The following STRBP variants were observed in gnomAD, a reference collection of about 807,000 sequenced individuals.
STRBP encodes spermatid perinuclear RNA binding protein, also known as spermatid perinuclear RNA-binding protein.
In STRBP, 13 loss-of-function variants were observed where a neutral mutation model predicts 80.1. That is an observed-to-expected ratio of 0.16 (90% CI 0.11 to 0.26). STRBP has a LOEUF of 0.26. Ranked by LOEUF, STRBP falls within the 10% of genes least tolerant of loss-of-function variation. The pLI, the probability that STRBP is intolerant of heterozygous loss-of-function variation, is 1.00. For synonymous variants in STRBP, 284 were observed against 291.2 expected, an observed-to-expected ratio of 0.98 and a Z score of 0.25; for missense variants, 485 against 815.2, an observed-to-expected ratio of 0.59 and a Z score of 4.93.
intron 14 of STRBP, 67 bp downstream of exon 14, chr9:123,139,462 C>T: frequency 7.9e-7 from 1 of 1,267,154 alleles, no homozygotes. Flanking sequence ...TATACTTTTC[C>T]ACATCTCTCA....
intron 1 of STRBP, among the ~76,000 whole-genome samples, chr9:123,261,127 G>A (rs1382994127): frequency 6.6e-6 from 1 of 152,100 alleles, no homozygotes; most frequent in African/African-American, 2.4e-5. Flanking sequence ...CAGCAATTAA[G>A]GTTGCACACC....
At chr9:123,251,232 AAAG>A (rs572479962) in intron 1 of STRBP, among the ~76,000 whole-genome samples, 40 of 150,754 alleles carry the variant, frequency 2.7e-4, no homozygotes, top group Non-Finnish European at 4.1e-4. Context: ...TCCCTCTCTC[AAAG>A]AAGAAGAAGA....
intron 2 of STRBP, among the ~76,000 whole-genome samples, chr9:123,234,278 T>G (rs955603752): frequency 2.0e-5 from 3 of 150,602 alleles, no homozygotes; most frequent in Non-Finnish European, 4.4e-5. Flanking sequence ...TTGGAAAACA[T>G]TAAAATTAGA....
Position 123,123,368 on chromosome 9 carries a change from A to G in STRBP, c.*2229T>C, listed in dbSNP as rs2035791946. On this transcript the variant is annotated 3_prime_UTR_variant, in exon 19 of 19. Coordinates refer to ENST00000348403, the MANE Select transcript of STRBP (RefSeq NM_018387.5). ...GGTGGGAAGGGCAACAGGTGGGGGG[A>G]CACTTAATTCATTACAGAATTTAAA... is the stretch of plus-strand genomic sequence containing the variant. 1.0e-6 allele frequency: 1 copy of G among 985,230 alleles called. No homozygotes were observed. The highest frequency in any genetic ancestry group is 6.1e-5 in the Admixed American group (1 of 16,262). The allele number at this position is 985,230 out of a possible 1,614,324, so 61.0% of individuals were successfully genotyped here.
intron 2 of STRBP, among the ~76,000 whole-genome samples, chr9:123,185,535 G>T (rs1452631580): frequency 6.6e-6 from 1 of 151,914 alleles, no homozygotes; most frequent in Non-Finnish European, 1.5e-5. Flanking sequence ...CAAAAAACAG[G>T]GATCAAAATA....
intron 6 of STRBP, among the ~76,000 whole-genome samples, chr9:123,166,755 CAACAACAACA>C (rs1464300254): frequency 1.4e-3 from 1 of 736 alleles, no homozygotes; most frequent in Non-Finnish European, 0.024. Context: ...CTGTCTCCAG[CAACAACAACA>C]ACAACAACAA....
intron 17 of STRBP, among the ~76,000 whole-genome samples, chr9:123,130,662 A>T (rs2036098267): frequency 6.6e-6 from 1 of 152,200 alleles, no homozygotes; most frequent in Non-Finnish European, 1.5e-5. Context: ...AATAAGGCTA[A>T]AATTATTAAA....
intron 6 of STRBP, 108 bp downstream of exon 6, chr9:123,169,794 G>C (rs1041551928): frequency 3.2e-6 from 2 of 618,016 alleles, no homozygotes; most frequent in Non-Finnish European, 4.5e-6. Flanking sequence ...ACAAATGAAG[G>C]CTGTTATTTC....
At chr9:123,149,220 G>A (rs1430218532) in intron 11 of STRBP, among the ~76,000 whole-genome samples, 2 of 152,246 alleles carry the variant, frequency 1.3e-5, no homozygotes, top group East Asian at 3.9e-4. Flanking sequence ...GGTAAACACT[G>A]ACTTCAGCAT....
chr9:123,188,976 A>G (rs2038811138), intron 2 of STRBP, among the ~76,000 whole-genome samples: 1 of 152,206 alleles, frequency 6.6e-6, no homozygotes, highest in African/African-American at 2.4e-5. Flanking sequence ...AAAAAATTAG[A>G]AAAAGACACC....
At chr9:123,130,270 C>T (rs1328406494) in intron 17 of STRBP, among the ~76,000 whole-genome samples, 1 of 152,126 alleles carries the variant, frequency 6.6e-6, no homozygotes, top group Admixed American at 6.5e-5. Context: ...CCCTGCTGCA[C>T]AGAATATACT....
chr9:123,214,677 GTGTAACATTAATTCTCCCTCCT>G, intron 2 of STRBP, among the ~76,000 whole-genome samples: 1 of 152,056 alleles, frequency 6.6e-6, no homozygotes, highest in East Asian at 1.9e-4. Flanking sequence ...CCCATCCCAA[GTGTAACATTAATTCTCCCTCCT>G]CTTTGTTCTC....
Position 123,158,124 on chromosome 9 carries a change from C to CACAAA in STRBP, c.934-2_934-1insTTTGT. 6.2e-7 allele frequency: 1 copy of CACAAA among 1,605,664 alleles called. No individual in the cohort carries two copies. The highest frequency in any genetic ancestry group is 8.5e-7 in the Non-Finnish European group (1 of 1,173,774). ...CAAAGGCTGATAGTCTGAGTGCATG[C>CACAAA]TAAAGAACAAAGTATTATATTTAAT... On this transcript the variant is annotated splice_acceptor_variant, in intron 10 of 18. Coordinates refer to ENST00000348403, the MANE Select transcript of STRBP (RefSeq NM_018387.5). LOFTEE classifies it high-confidence loss of function.
intron 2 of STRBP, among the ~76,000 whole-genome samples, chr9:123,219,822 TGA>T (rs1308493473): frequency 6.6e-6 from 1 of 152,160 alleles, no homozygotes; most frequent in Non-Finnish European, 1.5e-5. Context: ...AAAATTTAAA[TGA>T]GAGAAAAAAG....
chr9:123,203,911 G>A (rs1431528797), intron 2 of STRBP, among the ~76,000 whole-genome samples: 2 of 152,160 alleles, frequency 1.3e-5, no homozygotes, highest in African/African-American at 4.8e-5. Context: ...GGCAGAGGTT[G>A]CAGTGAGCCA....
rs557541000 is a variant in STRBP at position 123,268,071 on chromosome 9, C to T, written c.-302+365G>A. Among the ~76,000 whole-genome samples, 14 of 151,490 alleles carry T rather than the reference C, an allele frequency of 9.2e-5. No homozygotes were observed. The East Asian group carries it at 2.8e-3, about 30-fold the overall frequency. ...TGCCCCCAATGTCCTCCAACACCTG[C>T]CCCGAGCCCCGAGCCCTCCGTCCCG... On this transcript the variant is annotated intron_variant, in intron 1 of 18. Coordinates refer to ENST00000348403, the MANE Select transcript of STRBP (RefSeq NM_018387.5).
At chr9:123,211,178 T>A (rs144418121) in intron 2 of STRBP, among the ~76,000 whole-genome samples, 11 of 152,270 alleles carry the variant, frequency 7.2e-5, no homozygotes, top group Non-Finnish European at 1.0e-4. Flanking sequence ...ACTATGTACA[T>A]TAAGATAATA....
At chr9:123,267,928 C>T (rs947479608) in intron 1 of STRBP, among the ~76,000 whole-genome samples, 3 of 148,978 alleles carry the variant, frequency 2.0e-5, no homozygotes, top group African/African-American at 7.4e-5. Context: ...GCCCAGGGGG[C>T]CCCCCAAACC....
At chr9:123,224,905 G>A (rs1473521432) in intron 2 of STRBP, among the ~76,000 whole-genome samples, 1 of 152,162 alleles carries the variant, frequency 6.6e-6, no homozygotes, top group Non-Finnish European at 1.5e-5. Context: ...CAGAGGACGT[G>A]CAAATATGTT....
Sources: gnomAD v4.1 joint callset for allele counts (sites outside exome capture counted in the v4.1 genomes callset) on GRCh38, gnomAD v4.1.1 for gene constraint, MANE v1.5 for transcripts, NCBI Gene and HGNC (gene_info 2026-07-23, HGNC 2026-07-21) for gene names.